The following OPCML variants were observed in gnomAD, a reference collection of about 807,000 sequenced individuals.
OPCML encodes opioid binding protein/cell adhesion molecule like.
A neutral mutation model predicts 37.8 loss-of-function variants in OPCML; 13 were observed. The ratio of observed to expected loss-of-function variants is 0.34; its 90% CI spans 0.22 to 0.55. The LOEUF is 0.55. OPCML is among the 20% of genes least tolerant of loss of function. The pLI is 0.91. For missense variants in OPCML, 341 were observed against 435.6 expected (o/e 0.78, Z 1.93); for synonymous variants, 176 against 168.8 (o/e 1.04, Z -0.33).
intron 1 of OPCML, among the ~76,000 whole-genome samples, chr11:133,137,463 A>G (rs983360781): frequency 5.9e-5 from 9 of 152,236 alleles, no homozygotes; most frequent in African/African-American, 2.2e-4. Flanking sequence ...GCTTGTTTTA[A>G]ATAGAGGACT....
At chr11:132,460,305 G>T (rs1417020747) in intron 4 of OPCML, among the ~76,000 whole-genome samples, 1 of 152,038 alleles carries the variant, frequency 6.6e-6, no homozygotes, top group African/African-American at 2.4e-5. Context: ...TAGTGCCAAG[G>T]CTCCACCATG....
At chr11:133,162,766 T>C (rs1950162484) in intron 1 of OPCML, among the ~76,000 whole-genome samples, 1 of 152,226 alleles carries the variant, frequency 6.6e-6, no homozygotes, top group African/African-American at 2.4e-5. Flanking sequence ...GGGCTTCAGC[T>C]GCTCCATGCA....
intron 1 of OPCML, among the ~76,000 whole-genome samples, chr11:133,499,208 G>A (rs925406038): frequency 6.6e-6 from 1 of 152,158 alleles, no homozygotes; most frequent in African/African-American, 2.4e-5. Context: ...GGAAAGTGGA[G>A]AGTGAGGGAA....
chr11:133,317,936 G>A (rs1435497120), intron 1 of OPCML, among the ~76,000 whole-genome samples: 1 of 152,140 alleles, frequency 6.6e-6, no homozygotes, highest in Non-Finnish European at 1.5e-5. Context: ...CTATTATTAG[G>A]CCCACATCGA....
intron 2 of OPCML, among the ~76,000 whole-genome samples, chr11:132,868,292 TGTG>T (rs895592440): frequency 7.0e-6 from 1 of 143,564 alleles, no homozygotes; most frequent in Admixed American, 7.1e-5. Context: ...CCATTGAGGC[TGTG>T]ATTTTTTTTT....
chr11:132,452,837 A>G (rs1443110289), intron 4 of OPCML, among the ~76,000 whole-genome samples: 1 of 152,214 alleles, frequency 6.6e-6, no homozygotes, highest in Non-Finnish European at 1.5e-5. Flanking sequence ...CCAGACGGGC[A>G]GCCCCAACAA....
chr11:132,740,802 C>T (rs1393411806), intron 2 of OPCML, among the ~76,000 whole-genome samples: 1 of 152,092 alleles, frequency 6.6e-6, no homozygotes, highest in Non-Finnish European at 1.5e-5. Context: ...AGTTGGCAAC[C>T]AGAGATCTGT....
At chr11:133,484,426 A>G (rs1055104632) in intron 1 of OPCML, among the ~76,000 whole-genome samples, 3 of 152,184 alleles carry the variant, frequency 2.0e-5, no homozygotes, top group African/African-American at 7.2e-5. Context: ...TTGGTAACTC[A>G]GAGAACTGAG....
At chr11:132,890,700 CA>C (rs1415718933) in intron 2 of OPCML, among the ~76,000 whole-genome samples, 1 of 136,144 alleles carries the variant, frequency 7.3e-6, no homozygotes, top group South Asian at 2.4e-4. Flanking sequence ...AAAAAAAATA[CA>C]AAAAAATTAG....
At chr11:132,513,579 A>T (rs1032619764) in intron 4 of OPCML, among the ~76,000 whole-genome samples, 1 of 152,154 alleles carries the variant, frequency 6.6e-6, no homozygotes, top group East Asian at 1.9e-4. Context: ...TATCCTTCTA[A>T]GTATACCATG....
intron 1 of OPCML, among the ~76,000 whole-genome samples, chr11:133,475,603 G>A (rs1455615649): frequency 6.6e-6 from 1 of 152,134 alleles, no homozygotes. Flanking sequence ...GAGATTGCAG[G>A]AACAATCTCT....
In OPCML at chr11:132,425,549, G is replaced by A. The variant is rs996316952; in HGVS notation, c.917-5256C>T. The stretch of plus-strand genomic sequence containing the variant: ...TGCTCTGAGAATGAGTTAAGATGGT[G>A]TGTGCAATCATCAAGTACAGAGTAA... On this transcript the variant is annotated intron_variant, in intron 7 of 7. Transcript: ENST00000524381. Among the ~76,000 whole-genome samples, 7 of 152,240 alleles carry A rather than the reference G, an allele frequency of 4.6e-5. No individual in the cohort carries two copies. The East Asian group carries it at 1.2e-3, about 25-fold the overall frequency.
At chr11:133,484,108 T>G (rs1947473084) in intron 1 of OPCML, among the ~76,000 whole-genome samples, 1 of 143,420 alleles carries the variant, frequency 7.0e-6, no homozygotes, top group African/African-American at 2.9e-5. Flanking sequence ...ATAGATTAGA[T>G]AGATGATAGA....
intron 2 of OPCML, among the ~76,000 whole-genome samples, chr11:132,834,265 C>T (rs1449213603): frequency 6.6e-6 from 1 of 152,168 alleles, no homozygotes; most frequent in African/African-American, 2.4e-5. Context: ...TCCACTCATA[C>T]CACCTTGTTA....
chr11:132,655,135 C>T (rs1318765186), intron 3 of OPCML, among the ~76,000 whole-genome samples: 1 of 152,216 alleles, frequency 6.6e-6, no homozygotes, highest in Non-Finnish European at 1.5e-5. Flanking sequence ...CATCTATCTT[C>T]GTTCTTGAAA....
chr11:133,243,696 T>C (rs57227467), intron 1 of OPCML, among the ~76,000 whole-genome samples: 3,199 of 152,284 alleles, frequency 0.021, 98 homozygotes, highest in African/African-American at 0.068. Context: ...TTGCAGGGGA[T>C]CTGGGAGTGG....
chr11:132,726,157 T>C (rs1468160936), intron 2 of OPCML, among the ~76,000 whole-genome samples: 4 of 152,206 alleles, frequency 2.6e-5, no homozygotes, highest in African/African-American at 9.6e-5. Flanking sequence ...CGCCCCACTC[T>C]ACTGTTTTTA....
At chr11:133,271,458 T>C (rs1424044967) in intron 1 of OPCML, among the ~76,000 whole-genome samples, 3 of 152,180 alleles carry the variant, frequency 2.0e-5, no homozygotes, top group African/African-American at 7.2e-5. Context: ...ACAATTTCAG[T>C]AGAATTAAAT....
At chr11:132,440,945 G>A (rs1169719751) in intron 4 of OPCML, among the ~76,000 whole-genome samples, 1 of 152,024 alleles carries the variant, frequency 6.6e-6, no homozygotes, top group African/African-American at 2.4e-5. Flanking sequence ...GGGGCAGAAG[G>A]CAATCAATGT....
Sources: gnomAD v4.1 joint callset for allele counts (sites outside exome capture counted in the v4.1 genomes callset) on GRCh38, gnomAD v4.1.1 for gene constraint, MANE v1.5 for transcripts, NCBI Gene and HGNC (gene_info 2026-07-23, HGNC 2026-07-21) for gene names.